Variants in ADAMTS2 observed in about 807,000 individuals in gnomAD.
ADAMTS2 encodes the protein ADAM metallopeptidase with thrombospondin type 1 motif 2, also known as A disintegrin and metalloproteinase with thrombospondin motifs 2.
In ADAMTS2, 50 loss-of-function variants were observed where a neutral mutation model predicts 123.0. That is an observed-to-expected ratio of 0.41 (90% CI 0.32 to 0.51). The LOEUF (loss-of-function observed/expected upper bound fraction) is 0.51, where lower values mean the gene tolerates loss of function less well. Among genes scored for constraint, ADAMTS2 ranks in the 20% least tolerant of loss-of-function variants. The probability of loss-of-function intolerance (pLI) is 0.35; values close to 1 mark genes in which losing one functional copy is unlikely to be tolerated. For synonymous variants in ADAMTS2, 678 were observed against 695.4 expected, an observed-to-expected ratio of 0.98 and a Z score of 0.39; for missense variants, 1,494 against 1,705.2, an observed-to-expected ratio of 0.88 and a Z score of 2.18.
intron 3 of ADAMTS2, among the ~76,000 whole-genome samples, chr5:179,241,300 C>T (rs959131599): frequency 6.6e-6 from 1 of 152,178 alleles, no homozygotes; most frequent in Non-Finnish European, 1.5e-5. Context: ...TGTCCCTCAT[C>T]GCAGGCAATG....
intron 9 of ADAMTS2, among the ~76,000 whole-genome samples, chr5:179,152,624 C>A (rs1390511178): frequency 6.6e-6 from 1 of 152,190 alleles, no homozygotes; most frequent in Non-Finnish European, 1.5e-5. Context: ...CACAGGCCTG[C>A]CCTCTCTGCA....
chr5:179,343,814 C>G lies in ADAMTS2; in HGVS notation c.487G>C (p.Gly163Arg), dbSNP rs1415104162. ...GCCACAGAGGAGGCTTCGGCTAGGCCGGCCACGTCTCCGACGTAGAGACAG... is the reference window on the plus strand; with the variant it reads ...GCCACAGAGGAGGCTTCGGCTAGGCGGGCCACGTCTCCGACGTAGAGACAG... ...GSCLYVGDVA[G>R]LAEASSVALS... Residue 163 changes from glycine to arginine, a missense_variant, in exon 2 of 22, where the codon GGC (glycine) becomes CGC (arginine). Gly to Arg is a moderately radical substitution (Grantham distance 125). Transcript: ENST00000251582. The G allele has an allele frequency of 4.3e-6, 7 of 1,610,930 alleles. No individual in the cohort carries two copies. The highest frequency in any genetic ancestry group is 3.3e-5 in the South Asian group (3 of 90,652).
chr5:179,238,191 T>G (rs1254882263), intron 3 of ADAMTS2, among the ~76,000 whole-genome samples: 1 of 152,190 alleles, frequency 6.6e-6, no homozygotes. Context: ...CAGCGGAACT[T>G]GGAGCTGCTC....
chr5:179,172,366 T>A (rs1228363140), intron 5 of ADAMTS2, among the ~76,000 whole-genome samples: 1 of 152,092 alleles, frequency 6.6e-6, no homozygotes, highest in Non-Finnish European at 1.5e-5. Flanking sequence ...ATGGCCCCAG[T>A]GAAGCAGAGC....
intron 4 of ADAMTS2, among the ~76,000 whole-genome samples, chr5:179,184,905 G>C (rs1764134836): frequency 6.6e-6 from 1 of 152,232 alleles, no homozygotes; most frequent in South Asian, 2.1e-4. Flanking sequence ...GGGAAAGGCA[G>C]GGAACCAGAG....
In ADAMTS2 at chr5:179,132,978, C is replaced by T. The variant is rs867289026; in HGVS notation, c.2086-78G>A. 270 of 1,559,486 alleles carry T rather than the reference C, an allele frequency of 1.7e-4. 1 individual carries two copies. Among genetic ancestry groups the T allele is most frequent in the South Asian group, 1.4e-3 (117 of 85,744 alleles). ...GGTCATACTATGTTGCCCCCAGTCT[C>T]GAACACCTGGCCTCAAGCGATCCTC... is the stretch of plus-strand genomic sequence containing the variant. On this transcript the variant is annotated intron_variant, in intron 13 of 21. Transcript: ENST00000251582. This position sits in a 1 kb window ranked among gnomAD's most constrained non-coding sequence, Gnocchi z 6.1.
chr5:179,167,098 C>T (rs1387696361), intron 5 of ADAMTS2, among the ~76,000 whole-genome samples: 2 of 152,242 alleles, frequency 1.3e-5, no homozygotes, highest in Non-Finnish European at 1.5e-5. Flanking sequence ...GCAAGGAGCG[C>T]CCCGCTAGGC....
At chr5:179,184,976 G>C (rs1398924338) in intron 4 of ADAMTS2, among the ~76,000 whole-genome samples, 1 of 152,188 alleles carries the variant, frequency 6.6e-6, no homozygotes, top group South Asian at 2.1e-4. Flanking sequence ...CATGAGACCT[G>C]AGAAACAGAA....
chr5:179,142,477 G>C (rs1254984839), intron 10 of ADAMTS2, among the ~76,000 whole-genome samples: 1 of 152,142 alleles, frequency 6.6e-6, no homozygotes, highest in Non-Finnish European at 1.5e-5. Context: ...AATTTAATTA[G>C]GTCATATTGT....
intron 4 of ADAMTS2, among the ~76,000 whole-genome samples, chr5:179,198,723 A>T (rs1329013089): frequency 1.3e-5 from 2 of 151,964 alleles, no homozygotes; most frequent in Non-Finnish European, 2.9e-5. Flanking sequence ...AGTCCCAGGT[A>T]CTTGGGAGGC....
intron 11 of ADAMTS2, among the ~76,000 whole-genome samples, chr5:179,139,082 G>C (rs1171080658): frequency 1.3e-5 from 2 of 152,366 alleles, no homozygotes; most frequent in Admixed American, 1.3e-4. Context: ...CCGAAGCTCT[G>C]TGTGTCTAAG....
In ADAMTS2 at chr5:179,344,035, G is replaced by A; in HGVS notation, c.266C>T (p.Ala89Val). ...TSRAGVRARR[A>V]APVRTPSFPG... ...GAAGCTCGGGGTCCGGACCGGGGCGGCCCTGCGGGCTCGTACCCCTGCTCT... is the reference window on the plus strand; with the variant it reads ...GAAGCTCGGGGTCCGGACCGGGGCGACCCTGCGGGCTCGTACCCCTGCTCT... Residue 89 changes from alanine (A) to valine (V), a missense_variant, in exon 2 of 22, where the codon GCC (alanine) becomes GTC (valine). Physicochemically the swap from Ala to Val is moderately conservative, Grantham distance 64. Around this residue, in one of 6 missense-constraint regions of ADAMTS2, gnomAD observed 237 missense variants for 233.7 expected, o/e 1.01. Transcript: ENST00000251582. The A allele has an allele frequency of 3.1e-6, 5 of 1,612,512 alleles. No individual in the cohort carries two copies. Among genetic ancestry groups the A allele is most frequent in the Non-Finnish European group, 4.2e-6 (5 of 1,179,842 alleles).
At chr5:179,298,550 C>A (rs1756409497) in intron 2 of ADAMTS2, among the ~76,000 whole-genome samples, 1 of 152,202 alleles carries the variant, frequency 6.6e-6, no homozygotes, top group Admixed American at 6.5e-5. Flanking sequence ...TTTCTAAACA[C>A]CCAGTCTGTG....
At chr5:179,230,532 T>C (rs907618361) in intron 3 of ADAMTS2, among the ~76,000 whole-genome samples, 1 of 152,080 alleles carries the variant, frequency 6.6e-6, no homozygotes, top group African/African-American at 2.4e-5. Context: ...ACAGAGACGG[T>C]GAGACTTGGG....
intron 21 of ADAMTS2, among the ~76,000 whole-genome samples, chr5:179,116,180 G>A (rs1336262503): frequency 6.6e-6 from 1 of 152,016 alleles, no homozygotes; most frequent in Non-Finnish European, 1.5e-5. Context: ...GGAGGGGTCT[G>A]TGTCCATTCT....
At chr5:179,159,373 G>A (rs549656704) in intron 5 of ADAMTS2, among the ~76,000 whole-genome samples, 8 of 152,172 alleles carry the variant, frequency 5.3e-5, no homozygotes, top group African/African-American at 7.2e-5. Flanking sequence ...CGTTCCCCCC[G>A]TGTGAAGGTA....
At chr5:179,328,483 G>A (rs193286271) in intron 2 of ADAMTS2, among the ~76,000 whole-genome samples, 30 of 152,350 alleles carry the variant, frequency 2.0e-4, no homozygotes, top group Admixed American at 6.5e-4. Flanking sequence ...GGAAGGGCGC[G>A]CCTTGAGGAC....
At chr5:179,226,280 T>A (rs906902565) in intron 3 of ADAMTS2, among the ~76,000 whole-genome samples, 3 of 151,020 alleles carry the variant, frequency 2.0e-5, no homozygotes, top group African/African-American at 7.3e-5. Flanking sequence ...TTCTTTCTTT[T>A]TTTTTTTTGA....
intron 3 of ADAMTS2, among the ~76,000 whole-genome samples, chr5:179,248,116 C>T (rs1322607730): frequency 6.6e-6 from 1 of 152,062 alleles, no homozygotes; most frequent in Non-Finnish European, 1.5e-5. Flanking sequence ...TGTATAGGAG[C>T]AAAGCATTTT....
Sources: gnomAD v4.1 joint callset for allele counts (sites outside exome capture counted in the v4.1 genomes callset) on GRCh38, gnomAD v4.1.1 for gene constraint, gnomAD v4.1.1 regional missense constraint, Gnocchi (gnomAD v3.1) non-coding constraint, MANE v1.5 for transcripts, NCBI Gene and HGNC (gene_info 2026-07-23, HGNC 2026-07-21) for gene names.